Variants in CADPS2 observed in about 807,000 individuals in gnomAD.
The protein encoded by CADPS2 is calcium-dependent secretion activator 2.
CADPS2 carries 93 observed loss-of-function variants against 172.5 expected under a neutral mutation model. That is an observed-to-expected ratio of 0.54 (90% CI 0.46 to 0.64). The LOEUF (loss-of-function observed/expected upper bound fraction) is 0.64. Among genes scored for constraint, CADPS2 ranks in the 30% least tolerant of loss-of-function variants. CADPS2 has a pLI of 0.00. For missense variants in CADPS2, 1,420 were observed against 1,565.9 expected (o/e 0.91, Z 1.57); for synonymous variants, 546 against 555.2 (o/e 0.98, Z 0.23).
At position 122,510,250 on chromosome 7, in the gene CADPS2, C is replaced by A. The variant is rs556907399; in HGVS notation, c.1542+2999G>T. Among the ~76,000 whole-genome samples the A allele has an allele frequency of 3.3e-5, 5 of 151,880 alleles. No homozygotes were observed. The East Asian group carries it at 9.7e-4, about 30-fold the overall frequency. ...CACTGTTCTTTCAATTTGGCTTGAACCAAAATTTACCTTCATTAAAAAAAG... is the reference window on the plus strand; with the variant it reads ...CACTGTTCTTTCAATTTGGCTTGAAACAAAATTTACCTTCATTAAAAAAAG... On this transcript the variant is annotated intron_variant, in intron 9 of 29. Coordinates refer to ENST00000449022, the MANE Select transcript of CADPS2 (RefSeq NM_017954.11).
intron 8 of CADPS2, among the ~76,000 whole-genome samples, chr7:122,525,123 C>G (rs1169032127): frequency 2.0e-5 from 3 of 147,574 alleles, no homozygotes; most frequent in African/African-American, 7.6e-5. Flanking sequence ...ATGGACAACA[C>G]AGTGAGACCC....
At chr7:122,370,959 C>A (rs1030862537) in intron 25 of CADPS2, among the ~76,000 whole-genome samples, 1 of 152,058 alleles carries the variant, frequency 6.6e-6, no homozygotes, top group Non-Finnish European at 1.5e-5. Flanking sequence ...TTAATTCCTG[C>A]AAGATATTAT....
At chr7:122,746,262 G>A (rs1268596932) in intron 1 of CADPS2, among the ~76,000 whole-genome samples, 2 of 152,040 alleles carry the variant, frequency 1.3e-5, no homozygotes, top group African/African-American at 2.4e-5. Flanking sequence ...CCAACACAGT[G>A]GTCACTAACC....
intron 1 of CADPS2, among the ~76,000 whole-genome samples, chr7:122,830,063 C>G (rs1048199073): frequency 2.6e-5 from 4 of 151,328 alleles, no homozygotes; most frequent in African/African-American, 9.7e-5. Flanking sequence ...ATCACTGTTT[C>G]AAGGAGAGAA....
intron 2 of CADPS2, among the ~76,000 whole-genome samples, chr7:122,711,562 C>T (rs2192021): frequency 0.98 from 149,439 of 152,278 alleles, 73,371 homozygotes; most frequent in Middle Eastern, 1. Flanking sequence ...CCCCAAGTGA[C>T]AGTTGAATCC....
chr7:122,480,407 C>T (rs2057151395), intron 12 of CADPS2, among the ~76,000 whole-genome samples: 1 of 151,800 alleles, frequency 6.6e-6, no homozygotes, highest in Admixed American at 6.6e-5. Flanking sequence ...AATAAAAATA[C>T]ATACTTCAAA....
chr7:122,618,023 G>T (rs543132425), intron 5 of CADPS2, among the ~76,000 whole-genome samples: 3 of 142,698 alleles, frequency 2.1e-5, no homozygotes, highest in African/African-American at 7.9e-5. Flanking sequence ...CAGCCTGGGC[G>T]ACAGTGCAAG....
At chr7:122,722,366 G>A (rs1474046020) in intron 2 of CADPS2, among the ~76,000 whole-genome samples, 24 of 151,732 alleles carry the variant, frequency 1.6e-4, no homozygotes, top group African/African-American at 5.3e-4. Flanking sequence ...AAATCAATGT[G>A]CAAAAATCAC....
intron 2 of CADPS2, among the ~76,000 whole-genome samples, chr7:122,693,189 T>A (rs187664557): frequency 5.4e-4 from 82 of 152,322 alleles, no homozygotes; most frequent in African/African-American, 2.0e-3. Flanking sequence ...AAAATACTGT[T>A]AACACTGTTC....
intron 1 of CADPS2, among the ~76,000 whole-genome samples, chr7:122,785,628 C>G (rs908716192): frequency 3.3e-5 from 5 of 152,166 alleles, no homozygotes; most frequent in Admixed American, 1.3e-4. Flanking sequence ...CTGCCCTCCT[C>G]TTGGGCTCAA....
At chr7:122,421,204 T>C (rs2048489943) in intron 17 of CADPS2, 1 of 152,248 alleles carries the variant, frequency 6.6e-6, no homozygotes, top group African/African-American at 2.4e-5. Context: ...TTTAAATTGA[T>C]GAAAAAGTAT....
At chr7:122,624,424 C>T (rs2075887678) in intron 4 of CADPS2, among the ~76,000 whole-genome samples, 1 of 152,124 alleles carries the variant, frequency 6.6e-6, no homozygotes, top group Non-Finnish European at 1.5e-5. Context: ...GCGCTCTTAA[C>T]CTTCCATTAG....
At position 122,886,404 on chromosome 7, in the gene CADPS2, G is replaced by C; in HGVS notation, c.-67C>G. The C allele has an allele frequency of 6.9e-7, 1 of 1,453,302 alleles. No homozygotes were observed. Among genetic ancestry groups the C allele is most frequent in the Non-Finnish European group, 9.0e-7 (1 of 1,114,600 alleles). 90.0% of individuals were successfully genotyped at this position (1,453,302 alleles called of 1,614,324 possible). ...CGCCTCACCCCCGGCGGCTGCGCCC[G>C]CGGGTCTGAGGGAGCCGCGGGGCTG... On this transcript the variant is annotated 5_prime_UTR_variant, in exon 1 of 30. Coordinates refer to ENST00000449022, the MANE Select transcript of CADPS2 (RefSeq NM_017954.11).
chr7:122,481,671 C>T (rs1309486593), intron 11 of CADPS2, among the ~76,000 whole-genome samples: 1 of 150,962 alleles, frequency 6.6e-6, no homozygotes, highest in Non-Finnish European at 1.5e-5. Context: ...CCTGATCAGT[C>T]CTGCCTTGAC....
chr7:122,864,054 G>A (rs566873611), intron 1 of CADPS2, among the ~76,000 whole-genome samples: 1 of 151,866 alleles, frequency 6.6e-6, no homozygotes, highest in Non-Finnish European at 1.5e-5. Context: ...ATAAAGTGTA[G>A]ATAGAGATCT....
chr7:122,591,225 T>A (rs1189126755), intron 6 of CADPS2, among the ~76,000 whole-genome samples: 1 of 151,998 alleles, frequency 6.6e-6, no homozygotes, highest in African/African-American at 2.4e-5. Flanking sequence ...ATGAATGAAC[T>A]CCCACTCACA....
chr7:122,366,664 C>CGT (rs2040919013), intron 25 of CADPS2: 8 of 122,932 alleles, frequency 6.5e-5, no homozygotes, highest in Non-Finnish European at 3.4e-5. Context: ...TACATACACA[C>CGT]ATACATATAT....
At chr7:122,437,582 G>T (rs2050790333) in intron 17 of CADPS2, among the ~76,000 whole-genome samples, 1 of 151,916 alleles carries the variant, frequency 6.6e-6, no homozygotes, top group South Asian at 2.1e-4. Context: ...AACATTAACT[G>T]CATTTTTTCC....
chr7:122,722,819 T>C (rs1484304875), intron 2 of CADPS2, among the ~76,000 whole-genome samples: 1 of 151,650 alleles, frequency 6.6e-6, no homozygotes, highest in African/African-American at 2.4e-5. Context: ...ATGGTACTGG[T>C]ACCAAAACAG....
Sources: allele counts gnomAD v4.1 joint callset (sites outside exome capture counted in the v4.1 genomes callset), GRCh38; gene constraint gnomAD v4.1.1; transcripts MANE v1.5; gene names NCBI Gene and HGNC (gene_info 2026-07-23, HGNC 2026-07-21).